The following LAMP3 variants were observed in gnomAD, a reference collection of about 807,000 sequenced individuals.
LAMP3 encodes the protein lysosome associated membrane protein 3.
A neutral mutation model predicts 34.8 loss-of-function variants in LAMP3; 26 were observed. The ratio of observed to expected loss-of-function variants is 0.75; its 90% CI spans 0.55 to 1.04. The LOEUF is 1.04. Ranked by LOEUF, LAMP3 falls within the 50% of genes least tolerant of loss-of-function variation. LAMP3 has a pLI of 0.00. For missense variants in LAMP3, 495 were observed against 524.0 expected (o/e 0.94, Z 0.54); for synonymous variants, 180 against 201.9 (o/e 0.89, Z 0.92).
chr3:183,162,527 G>T (rs776100352), intron 1 of LAMP3, 80 bp downstream of exon 1: 186 of 1,403,904 alleles, frequency 1.3e-4, no homozygotes, highest in Non-Finnish European at 1.7e-4. Flanking sequence ...GTCCTGTGGC[G>T]CCCGGGACTC....
In LAMP3 at chr3:183,122,496, T is replaced by C. The variant is rs1719693908; in HGVS notation, c.*1585A>G. ...AGAATAAAGTGAACAATAGGAAATA[T>C]GGATATGAAGTGCAGAAGCAGCAAG... On this transcript the variant is annotated 3_prime_UTR_variant, in exon 6 of 6. Coordinates refer to ENST00000265598, the MANE Select transcript of LAMP3 (RefSeq NM_014398.4). 6.6e-6 allele frequency: 1 copy of C among 152,148 alleles called. No individual in the cohort carries two copies. The highest frequency in any genetic ancestry group is 2.1e-4 in the South Asian group (1 of 4,832). The allele number at this position is 152,148 out of a possible 1,614,324, so 9.4% of individuals were successfully genotyped here.
intron 3 of LAMP3, among the ~76,000 whole-genome samples, chr3:183,143,089 C>G (rs1720335323): frequency 1.3e-5 from 2 of 152,146 alleles, no homozygotes; most frequent in African/African-American, 4.8e-5. Context: ...ATTAGTGAAA[C>G]ATTGACTAGG....
intron 4 of LAMP3, 41 bp downstream of exon 4, chr3:183,140,497 A>T: frequency 8.4e-7 from 1 of 1,189,160 alleles, no homozygotes; most frequent in Non-Finnish European, 1.3e-6. Context: ...CAACAGAAAC[A>T]GCGTCATGGC....
intron 5 of LAMP3, among the ~76,000 whole-genome samples, chr3:183,130,154 C>CTTT (rs34543624): frequency 4.2e-5 from 3 of 70,962 alleles, no homozygotes; most frequent in Admixed American, 1.7e-4. Context: ...ACCCTCACTC[C>CTTT]TTTTTTTTTT....
chr3:183,125,576 A>G (rs1719760531), intron 5 of LAMP3, among the ~76,000 whole-genome samples: 1 of 152,254 alleles, frequency 6.6e-6, no homozygotes, highest in South Asian at 2.1e-4. Context: ...ATCAATTAGG[A>G]ACTATCATGA....
intron 3 of LAMP3, 131 bp from the exon 4 acceptor site, chr3:183,140,726 G>A: frequency 3.6e-6 from 2 of 562,614 alleles, no homozygotes; most frequent in Non-Finnish European, 6.4e-6. Context: ...TTGGTACTGG[G>A]TCATAATTGT....
intron 1 of LAMP3, 132 bp downstream of exon 1, chr3:183,162,475 T>C (rs1721005896): frequency 1.2e-6 from 1 of 863,434 alleles, no homozygotes; most frequent in Non-Finnish European, 1.9e-6. Flanking sequence ...AAGTTCCAGC[T>C]GGGAAGCCCT....
chr3:183,156,877 C>T (rs1478716753), intron 1 of LAMP3, among the ~76,000 whole-genome samples: 2 of 152,052 alleles, frequency 1.3e-5, no homozygotes, highest in Non-Finnish European at 2.9e-5. Context: ...TCAAAGCTTG[C>T]CCTTGGGTTT....
chr3:183,132,656 T>C (rs1168225378), intron 5 of LAMP3: 2 of 985,312 alleles, frequency 2.0e-6, no homozygotes, highest in Non-Finnish European at 2.4e-6. Flanking sequence ...GAGGTGCTGT[T>C]TCCCAGCACT....
Position 183,153,685 on chromosome 3 carries a change from C to T in LAMP3, c.756G>A (p.Glu252=), listed in dbSNP as rs1720727538. 1 of 1,514,518 alleles carries T rather than the reference C, an allele frequency of 6.6e-7. No homozygotes were observed. 93.8% of individuals were successfully genotyped at this position (1,514,518 alleles called of 1,614,324 possible). A position where few individuals can be genotyped will look rare whatever the true frequency, so the allele number is the denominator to read the frequency against. Residue 252 remains glutamate, a synonymous_variant, in exon 2 of 6, where the codon GAG becomes GAA. Transcript: ENST00000265598. ...TAGTCCTGTGGCCCCAACTTACCGACTCCTTGTCTTGAACAATCAGCTGTA... is the reference window on the plus strand; with the variant it reads ...TAGTCCTGTGGCCCCAACTTACCGATTCCTTGTCTTGAACAATCAGCTGTA... ...MGIQLIVQDK[E]SVFSPRRYFN...
chr3:183,141,892 G>C (rs890788975), intron 3 of LAMP3, among the ~76,000 whole-genome samples: 1 of 152,184 alleles, frequency 6.6e-6, no homozygotes. Context: ...AGCCCTAAGA[G>C]GTGGCAGGGG....
chr3:183,123,097 TC>T lies in LAMP3; in HGVS notation c.*983del. The T allele has an allele frequency of 6.6e-6, 1 of 152,230 alleles. No individual in the cohort carries two copies. Among genetic ancestry groups the T allele is most frequent in the Non-Finnish European group, 1.5e-5 (1 of 68,046 alleles). The allele number at this position is 152,230 out of a possible 1,614,324, so 9.4% of individuals were successfully genotyped here. On this transcript the variant is annotated 3_prime_UTR_variant, in exon 6 of 6. Coordinates refer to ENST00000265598, the MANE Select transcript of LAMP3 (RefSeq NM_014398.4). The stretch of plus-strand genomic sequence containing the variant: ...ATAATTAAGGGCCATTATTATTGTC[TC>T]TTGCTTATTGTTTAGTTCTACCATC...
At chr3:183,137,819 C>A (rs1238880841) in intron 4 of LAMP3, among the ~76,000 whole-genome samples, 1 of 151,602 alleles carries the variant, frequency 6.6e-6, no homozygotes, top group Non-Finnish European at 1.5e-5. Flanking sequence ...CCCCTTCCCC[C>A]CACCTTTTTT....
intron 3 of LAMP3, among the ~76,000 whole-genome samples, chr3:183,151,456 T>C (rs1300063267): frequency 2.7e-5 from 4 of 148,048 alleles, no homozygotes; most frequent in Non-Finnish European, 6.0e-5. Context: ...AGATGGAGTT[T>C]TGTTCCTGTT....
rs900943598 is a variant in LAMP3 at position 183,122,476 on chromosome 3, A to G, written c.*1605T>C. ...TTCTTGGCAGGCTGCTCTACAGAAT[A>G]AAGTGAACAATAGGAAATATGGATA... On this transcript the variant is annotated 3_prime_UTR_variant, in exon 6 of 6. Transcript: ENST00000265598. 2.0e-5 allele frequency: 3 copies of G among 152,270 alleles called. No individual in the cohort carries two copies. The highest frequency in any genetic ancestry group is 7.2e-5 in the African/African-American group (3 of 41,474). 9.4% of individuals were successfully genotyped at this position (152,270 alleles called of 1,614,324 possible).
intron 4 of LAMP3, among the ~76,000 whole-genome samples, chr3:183,139,261 G>A (rs995930159): frequency 9.9e-5 from 15 of 152,008 alleles, no homozygotes; most frequent in Non-Finnish European, 1.6e-4. Context: ...GTGGTGACAG[G>A]TGCCTGTAAT....
At chr3:183,160,394 C>T (rs755791277) in intron 1 of LAMP3, among the ~76,000 whole-genome samples, 3 of 152,162 alleles carry the variant, frequency 2.0e-5, no homozygotes, top group South Asian at 4.1e-4. Flanking sequence ...GGCCAGACTT[C>T]GTTTTTGTTT....
intron 2 of LAMP3, among the ~76,000 whole-genome samples, chr3:183,153,191 A>G (rs943225892): frequency 2.7e-5 from 4 of 150,624 alleles, no homozygotes; most frequent in East Asian, 1.9e-4. Flanking sequence ...AAAAAAAAAA[A>G]AGAAAGAAAA....
intron 1 of LAMP3, 97 bp downstream of exon 1, chr3:183,162,510 G>A (rs1721006995): frequency 4.8e-6 from 6 of 1,256,438 alleles, no homozygotes; most frequent in African/African-American, 1.5e-5. Flanking sequence ...CTCCCTACCC[G>A]CAGCCCGTCC....
Sources: gnomAD v4.1 joint callset for allele counts (sites outside exome capture counted in the v4.1 genomes callset) on GRCh38, gnomAD v4.1.1 for gene constraint, MANE v1.5 for transcripts, NCBI Gene and HGNC (gene_info 2026-07-23, HGNC 2026-07-21) for gene names.